SLC46A2: variants seen among roughly 807,000 people sequenced by gnomAD.
SLC46A2 encodes solute carrier family 46 member 2.
Under a neutral mutation model 33.1 loss-of-function variants are expected in SLC46A2, and 25 were observed. That is an observed-to-expected ratio of 0.76 (90% CI 0.55 to 1.06). The LOEUF (loss-of-function observed/expected upper bound fraction) is 1.06. SLC46A2 is among the 50% of genes least tolerant of loss of function. SLC46A2 has a pLI of 0.00. For missense variants in SLC46A2, 622 were observed against 621.7 expected (o/e 1.00, Z 0.00); for synonymous variants, 254 against 275.9 (o/e 0.92, Z 0.79).
intron 2 of SLC46A2, 147 bp from the exon 3 acceptor site, chr9:112,886,763 T>C: frequency 2.3e-6 from 2 of 864,488 alleles, no homozygotes; most frequent in African/African-American, 1.7e-5. Flanking sequence ...CTTACTCTGT[T>C]GCCCAGGCTG....
chr9:112,879,716 G>A lies in SLC46A2; in HGVS notation c.*46C>T, dbSNP rs1218898771. The A allele has an allele frequency of 6.4e-7, 1 of 1,563,100 alleles. No homozygotes were observed. Among genetic ancestry groups the A allele is most frequent in the Non-Finnish European group, 8.8e-7 (1 of 1,135,196 alleles). Reference sequence around the variant, plus strand: ...CCTGGTCCCTTCTTTTGTCTTCTGGGGGCCTGGCCATGGCTGATGTTTTCA... The same window carrying A: ...CCTGGTCCCTTCTTTTGTCTTCTGGAGGCCTGGCCATGGCTGATGTTTTCA... On this transcript the variant is annotated 3_prime_UTR_variant, in exon 4 of 4. Coordinates refer to ENST00000374228, the MANE Select transcript of SLC46A2 (RefSeq NM_033051.4).
At position 112,889,653 on chromosome 9, in the gene SLC46A2, G is replaced by A. The variant is rs955892861; in HGVS notation, c.1029C>T (p.Arg343=). 7 of 1,614,180 alleles carry A rather than the reference G, an allele frequency of 4.3e-6. No homozygotes were observed. The East Asian group carries it at 1.6e-4, about 36-fold the overall frequency. Residue 343 remains arginine, a synonymous_variant, in exon 1 of 4, where the codon CGC becomes CGT. Transcript: ENST00000374228. ...TGATCATGGTGGTGTCCCGAAAGCA[G>A]CGGGAGAAGACCAGGACACCCAGGA... ...TSFLGVLVFS[R]CFRDTTMIMI...
At chr9:112,884,069 G>T (rs1401904094) in intron 3 of SLC46A2, among the ~76,000 whole-genome samples, 1 of 152,208 alleles carries the variant, frequency 6.6e-6, no homozygotes, top group East Asian at 1.9e-4. Flanking sequence ...GAGGGTTGTA[G>T]ATAAGCAGAA....
Position 112,890,266 on chromosome 9 carries a change from G to A in SLC46A2, c.416C>T (p.Ala139Val), listed in dbSNP as rs1176941276. The A allele has an allele frequency of 1.9e-6, 3 of 1,613,308 alleles. No homozygotes were observed. Among genetic ancestry groups the A allele is most frequent in the Admixed American group, 3.3e-5 (2 of 60,020 alleles). ...LDWPVEVLYGAAALNGLFGGF... is the reference protein window; with the variant it reads ...LDWPVEVLYGVAALNGLFGGF... The stretch of plus-strand genomic sequence containing the variant: ...GCCGAATAGCCCGTTCAGCGCCGCC[G>A]CCCCGTACAGCACCTCCACTGGCCA... The change falls in exon 1 of 4, where the codon GCG becomes GTG. Residue 139 changes from alanine (A) to valine (V), a missense_variant. Ala to Val is a moderately conservative substitution (Grantham distance 64). Transcript: ENST00000374228. The surrounding 1 kb of genome is among the most constrained non-coding windows in gnomAD (Gnocchi z 6.0).
intron 2 of SLC46A2, 101 bp from the exon 3 acceptor site, chr9:112,886,717 A>C (rs529014961): frequency 1.8e-6 from 2 of 1,128,298 alleles, no homozygotes; most frequent in African/African-American, 1.6e-5. Flanking sequence ...CTTCCTTCTT[A>C]CTCTCTCTCT....
rs766555952 is a variant in SLC46A2, at chr9:112,890,243, C to G, written c.439G>C (p.Gly147Arg). 1 of 1,613,108 alleles carries G rather than the reference C, an allele frequency of 6.2e-7. No individual in the cohort carries two copies. The highest frequency in any genetic ancestry group is 1.3e-5 in the African/African-American group (1 of 75,062). ...CCGGACCAGAAGGCGGAGAAGCCGC[C>G]GAATAGCCCGTTCAGCGCCGCCGCC... ...YGAAALNGLF[G>R]GFSAFWSGVM... is the part of the protein sequence containing the mutation. Residue 147 changes from glycine to arginine, a missense_variant, in exon 1 of 4, where the codon GGC becomes CGC. Coordinates refer to ENST00000374228, the MANE Select transcript of SLC46A2 (RefSeq NM_033051.4). The surrounding 1 kb of genome is among the most constrained non-coding windows in gnomAD (Gnocchi z 6.0).
intron 3 of SLC46A2, among the ~76,000 whole-genome samples, chr9:112,882,055 G>C (rs4979178): frequency 0.82 from 125,026 of 152,074 alleles, 52,558 homozygotes; most frequent in Non-Finnish European, 0.91. Context: ...GGCCAGGCCA[G>C]CTTATGCAGG....
rs1841701745 is a variant in SLC46A2, at chr9:112,889,793, C to T, written c.889G>A (p.Val297Met). The T allele has an allele frequency of 6.2e-7, 1 of 1,614,216 alleles. No homozygotes were observed. Among genetic ancestry groups the T allele is most frequent in the Non-Finnish European group, 8.5e-7 (1 of 1,180,046 alleles). ...GGGATCACGTCCACTGTGCCCACCA[C>T]CGCCAGGTCATATATGATAGCACCC... is the stretch of plus-strand genomic sequence containing the variant. ...FVGAIIYDLA[V>M]VGTVDVIPLF... The change falls in exon 1 of 4, where the codon GTG (valine) becomes ATG (methionine). Residue 297 changes from valine to methionine, a missense_variant. Physicochemically the swap from Val to Met is conservative, Grantham distance 21 (BLOSUM62 1). Transcript: ENST00000374228.
intron 1 of SLC46A2, 141 bp from the exon 2 acceptor site, chr9:112,887,554 C>T (rs929049312): frequency 2.9e-5 from 20 of 683,776 alleles, no homozygotes; most frequent in Admixed American, 9.4e-5. Context: ...TCTCTGCTGG[C>T]ACACTAGCGC....
In SLC46A2 at chr9:112,889,614, G is replaced by T. The variant is rs1212119596; in HGVS notation, c.1068C>A (p.Val356=). The change falls in exon 1 of 4, where the codon GTC becomes GTA. Residue 356 remains valine (V), a synonymous_variant. Transcript: ENST00000374228. ...AGAGGAGGGCTCCTGACCCAAAGGA[G>T]ACCATCCCAATCATGATCATGGTGG... ...RDTTMIMIGM[V]SFGSGALLLA... 3 of 1,614,116 alleles carry T rather than the reference G, an allele frequency of 1.9e-6. No individual in the cohort carries two copies. The highest frequency in any genetic ancestry group is 1.1e-5 in the South Asian group (1 of 91,076).
intron 3 of SLC46A2, among the ~76,000 whole-genome samples, chr9:112,882,691 G>T (rs527517869): frequency 3.9e-5 from 6 of 151,988 alleles, no homozygotes; most frequent in Non-Finnish European, 8.8e-5. Context: ...ATTGGAGGTG[G>T]GGGGAGATGA....
At position 112,889,743 on chromosome 9, in the gene SLC46A2, G is replaced by A. The variant is rs139403102; in HGVS notation, c.939C>T (p.Leu313=). Residue 313 remains leucine (L), a synonymous_variant, in exon 1 of 4, where the codon CTC becomes CTT. Coordinates refer to ENST00000374228, the MANE Select transcript of SLC46A2 (RefSeq NM_033051.4). The part of the protein sequence containing the change: ...VIPLFVLREP[L]GWNQVQVGYG... ...AGCCCACCTGCACTTGGTTCCAACC[G>A]AGAGGCTCCCTCAGCACAAAAAGAG... is the stretch of plus-strand genomic sequence containing the variant. The A allele has an allele frequency of 5.6e-6, 9 of 1,613,992 alleles. No individual in the cohort carries two copies. The highest frequency in any genetic ancestry group is 5.3e-5 in the African/African-American group (4 of 74,914).
intron 1 of SLC46A2, among the ~76,000 whole-genome samples, chr9:112,888,895 G>GTTT (rs145272842): frequency 1.4e-5 from 2 of 143,644 alleles, no homozygotes; most frequent in South Asian, 2.2e-4. Flanking sequence ...TTGTTTGTTT[G>GTTT]TTTTTTTTTT....
In SLC46A2 at chr9:112,890,600, A is replaced by C; in HGVS notation, c.82T>G (p.Ser28Ala). 2 of 1,609,534 alleles carry C rather than the reference A, an allele frequency of 1.2e-6. No individual in the cohort carries two copies. The highest frequency in any genetic ancestry group is 1.7e-6 in the Non-Finnish European group (2 of 1,179,924). ...TAGAGGGAGGCAGCCACCTGGGACG[A>C]GGCCACCACGGGCTCAACCCAGGTC... ...PRTWVEPVVA[S>A]SQVAASLYDA... The change falls in exon 1 of 4, where the codon TCG (serine) becomes GCG (alanine). Residue 28 changes from serine (S) to alanine (A), a missense_variant. By Grantham distance (99) the Ser-to-Ala change is moderately conservative. Transcript: ENST00000374228. The surrounding 1 kb of genome is among the most constrained non-coding windows in gnomAD (Gnocchi z 6.0).
At chr9:112,883,418 G>A (rs1841606357) in intron 3 of SLC46A2, among the ~76,000 whole-genome samples, 1 of 152,112 alleles carries the variant, frequency 6.6e-6, no homozygotes, top group South Asian at 2.1e-4. Flanking sequence ...CTTCCTAGCT[G>A]TGTACCCTTT....
intron 1 of SLC46A2, 109 bp from the exon 2 acceptor site, chr9:112,887,522 G>T: frequency 2.0e-6 from 2 of 985,218 alleles, no homozygotes; most frequent in Non-Finnish European, 1.5e-6. Flanking sequence ...TCCGAATGTG[G>T]CTTGACCTGG....
chr9:112,889,749 C>G lies in SLC46A2; in HGVS notation c.933G>C (p.Glu311Asp), dbSNP rs200092270. Residue 311 changes from glutamate to aspartate, a missense_variant, in exon 1 of 4, where the codon GAG (glutamate) becomes GAC (aspartate). Glu to Asp is a conservative substitution (Grantham distance 45). Coordinates refer to ENST00000374228, the MANE Select transcript of SLC46A2 (RefSeq NM_033051.4). ...CCTGCACTTGGTTCCAACCGAGAGG[C>G]TCCCTCAGCACAAAAAGAGGGATCA... ...VDVIPLFVLR[E>D]PLGWNQVQVG... is the part of the protein sequence containing the mutation. 2.1e-5 allele frequency: 34 copies of G among 1,614,060 alleles called. No individual in the cohort carries two copies. The highest frequency in any genetic ancestry group is 2.7e-5 in the Non-Finnish European group (32 of 1,180,038).
At chr9:112,887,448 A>G (rs758388161) in intron 1 of SLC46A2, 35 bp from the exon 2 acceptor site, 13 of 1,564,598 alleles carry the variant, frequency 8.3e-6, no homozygotes, top group Non-Finnish European at 1.0e-5. Context: ...TCCTTGCTGT[A>G]GCCCAGCCTG....
At chr9:112,881,096 T>C (rs1477774227) in intron 3 of SLC46A2, among the ~76,000 whole-genome samples, 1 of 152,204 alleles carries the variant, frequency 6.6e-6, no homozygotes, top group African/African-American at 2.4e-5. Context: ...TCCATTACAT[T>C]GTTTAAAATT....
Sources: gnomAD v4.1 joint callset for allele counts (sites outside exome capture counted in the v4.1 genomes callset) on GRCh38, gnomAD v4.1.1 for gene constraint, Gnocchi (gnomAD v3.1) non-coding constraint, MANE v1.5 for transcripts, NCBI Gene and HGNC (gene_info 2026-07-23, HGNC 2026-07-21) for gene names.